Variants in HELZ observed in about 807,000 individuals in gnomAD.
HELZ encodes ATP-dependent RNA helicase with zinc finger domain.
Under a neutral mutation model 218.2 loss-of-function variants are expected in HELZ, and 23 were observed. The ratio of observed to expected loss-of-function variants is 0.11; its 90% confidence interval spans 0.08 to 0.15. The LOEUF is 0.15. Ranked by LOEUF, HELZ falls within the 10% of genes least tolerant of loss-of-function variation. The pLI is 1.00. For synonymous variants in HELZ, 814 were observed against 829.4 expected, an observed-to-expected ratio of 0.98 and a Z score of 0.32; for missense variants, 1,813 against 2,353.7, an observed-to-expected ratio of 0.77 and a Z score of 4.75.
At position 67,144,495 on chromosome 17, in the gene HELZ, A is replaced by C. The variant is rs549493196; in HGVS notation, c.2769+1248T>G. 2.0e-5 allele frequency among the ~76,000 whole-genome samples: 3 copies of C among 152,216 alleles called. No individual in the cohort carries two copies. The East Asian group carries it at 5.8e-4, about 29-fold the overall frequency. On this transcript the variant is annotated intron_variant, in intron 21 of 32. Coordinates refer to ENST00000358691, the MANE Select transcript of HELZ (RefSeq NM_014877.4). The stretch of plus-strand genomic sequence containing the variant: ...ATACGAACAAATATTAAAAAAAAAA[A>C]AAAAACCTTTGAGTAAAACTGACAG...
At position 67,108,762 on chromosome 17, in the gene HELZ, T is replaced by C; in HGVS notation, c.4490-36A>G. Reference sequence around the variant, plus strand: ...ATTTGTGAAAAATTTTTTATGAATTTGGGGTTTCAAGTTCATTATTTAAAG... The same window carrying C: ...ATTTGTGAAAAATTTTTTATGAATTCGGGGTTTCAAGTTCATTATTTAAAG... On this transcript the variant is annotated intron_variant, in intron 29 of 32. Transcript: ENST00000358691. This position sits in a 1 kb window ranked among gnomAD's most constrained non-coding sequence, Gnocchi z 4.1. 1 of 1,477,166 alleles carries C rather than the reference T, an allele frequency of 6.8e-7. No homozygotes were observed. Among genetic ancestry groups the C allele is most frequent in the Non-Finnish European group, 9.2e-7 (1 of 1,087,206 alleles). 91.5% of individuals were successfully genotyped at this position (1,477,166 alleles called of 1,614,324 possible).
In HELZ at chr17:67,070,644, CAAAG is replaced by C. The variant is rs1262059188; in HGVS notation, c.*7604_*7607del. 1 of 151,858 alleles carries C rather than the reference CAAAG, an allele frequency of 6.6e-6. No homozygotes were observed. Among genetic ancestry groups the C allele is most frequent in the African/African-American group, 2.4e-5 (1 of 41,322 alleles). 9.4% of individuals were successfully genotyped at this position (151,858 alleles called of 1,614,324 possible). On this transcript the variant is annotated 3_prime_UTR_variant, in exon 33 of 33. Transcript: ENST00000358691. ...AAAACTAAGTTAGAAAAGATAAAGACAAAGAAAGAAGAAAATAAAAACCCTAGAG... is the reference window on the plus strand; with the variant it reads ...AAAACTAAGTTAGAAAAGATAAAGACAAAGAAGAAAATAAAAACCCTAGAG...
Position 67,123,058 on chromosome 17 carries a change from A to G in HELZ, c.3542T>C (p.Val1181Ala). The G allele has an allele frequency of 6.2e-7, 1 of 1,613,518 alleles. No individual in the cohort carries two copies. Among genetic ancestry groups the G allele is most frequent in the South Asian group, 1.1e-5 (1 of 91,068 alleles). ...CCCAGTGTGAGGATCTATTCTTTGA[A>G]CAGGGCTTGGAGATTTTCCCAAATT... ...HPNLGKSPSP[V>A]QRIDPHTGTS... Residue 1181 changes from valine (V) to alanine (A), a missense_variant, in exon 26 of 33, where the codon GTT becomes GCT. Physicochemically the swap from Val to Ala is moderately conservative, Grantham distance 64. Around this residue, in one of 4 missense-constraint regions of HELZ, gnomAD observed 938 missense variants for 1,027.5 expected, o/e 0.91. Transcript: ENST00000358691.
intron 15 of HELZ, among the ~76,000 whole-genome samples, chr17:67,163,531 T>G (rs1289683288): frequency 6.6e-6 from 1 of 152,084 alleles, no homozygotes; most frequent in Admixed American, 6.6e-5. Context: ...CCCGAGTAGC[T>G]GGGACTACAG....
intron 28 of HELZ, among the ~76,000 whole-genome samples, chr17:67,111,720 G>A (rs1229216193): frequency 6.6e-6 from 1 of 152,182 alleles, no homozygotes; most frequent in Middle Eastern, 3.2e-3. Flanking sequence ...AAAGAAGTGA[G>A]AAGCACGACA....
intron 12 of HELZ, among the ~76,000 whole-genome samples, chr17:67,182,221 C>T (rs1271080329): frequency 1.3e-5 from 2 of 152,100 alleles, no homozygotes; most frequent in Non-Finnish European, 2.9e-5. Context: ...GAAGGCAGGT[C>T]ACCTGAGGTC....
chr17:67,083,438 T>C, intron 32 of HELZ, among the ~76,000 whole-genome samples: 1 of 151,930 alleles, frequency 6.6e-6, no homozygotes, highest in East Asian at 1.9e-4. Flanking sequence ...TCAGGAGTTC[T>C]AGACCAGCCT....
chr17:67,104,204 G>A (rs1442726146), intron 31 of HELZ, among the ~76,000 whole-genome samples: 1 of 152,142 alleles, frequency 6.6e-6, no homozygotes, highest in African/African-American at 2.4e-5. Context: ...GGAGGCCGAG[G>A]CGAGCAGATC....
intron 31 of HELZ, among the ~76,000 whole-genome samples, chr17:67,093,974 C>T (rs888970644): frequency 6.7e-6 from 1 of 149,908 alleles, no homozygotes; most frequent in Non-Finnish European, 1.5e-5. Flanking sequence ...TTAAAAGATA[C>T]AGACCAAACT....
At chr17:67,185,996 C>T (rs141532538) in intron 12 of HELZ, among the ~76,000 whole-genome samples, 150 of 152,248 alleles carry the variant, frequency 9.9e-4, no homozygotes, top group African/African-American at 3.5e-3. Flanking sequence ...CTACCAGGCT[C>T]AAAACATCAA....
intron 5 of HELZ, chr17:67,215,688 G>C (rs909397598): frequency 7.0e-6 from 4 of 571,236 alleles, no homozygotes; most frequent in Middle Eastern, 9.9e-4. Flanking sequence ...TGTTCCCAGG[G>C]GAGTGACAAG....
intron 3 of HELZ, chr17:67,224,560 A>G (rs1237428991): frequency 4.6e-6 from 2 of 434,582 alleles, no homozygotes; most frequent in Non-Finnish European, 4.3e-6. Context: ...AAAATAGTGT[A>G]TACACGATTA....
chr17:67,245,279 T>G, upstream of HELZ: 1 of 857,070 alleles, frequency 1.2e-6, no homozygotes, highest in Non-Finnish European at 1.4e-6. Context: ...CGCCGCCCCC[T>G]CCGGCCGCGC....
intron 24 of HELZ, among the ~76,000 whole-genome samples, chr17:67,125,371 A>G (rs941132820): frequency 1.5e-5 from 2 of 136,404 alleles, no homozygotes; most frequent in Admixed American, 7.3e-5. Flanking sequence ...AGACGTGATA[A>G]GAAAAGCATA....
chr17:67,180,055 T>C (rs1026325304), intron 12 of HELZ, among the ~76,000 whole-genome samples: 1 of 152,216 alleles, frequency 6.6e-6, no homozygotes, highest in Admixed American at 6.5e-5. Flanking sequence ...CAAATAATCT[T>C]AGTAATTTCT....
chr17:67,134,727 C>A (rs2038093501), intron 23 of HELZ, among the ~76,000 whole-genome samples: 1 of 151,758 alleles, frequency 6.6e-6, no homozygotes, highest in Non-Finnish European at 1.5e-5. Context: ...TAATAAAGTG[C>A]TGTCATTATC....
chr17:67,168,383 A>C (rs1435419936), intron 13 of HELZ, among the ~76,000 whole-genome samples: 1 of 152,238 alleles, frequency 6.6e-6, no homozygotes, highest in Non-Finnish European at 1.5e-5. Flanking sequence ...CTGAGTATTT[A>C]AAATGAAACT....
chr17:67,120,591 C>G lies in HELZ; in HGVS notation c.3652G>C (p.Gly1218Arg), dbSNP rs753206228. The change falls in exon 27 of 33, where the codon GGT becomes CGT. Residue 1218 changes from glycine (G) to arginine (R), a missense_variant. By Grantham distance (125) the Gly-to-Arg change is moderately radical. This residue lies in a region of HELZ where 938 missense variants were observed against 1,027.5 expected (regional missense o/e 0.91). Transcript: ENST00000358691. ...ATTCGAGGATCAACTGCAAACCTAC[C>G]CTGGTATCCTGTCCATGGTACCTAG... ...PLPVPWTGYQ[G>R]RFAVDPRIIT... is the part of the protein sequence containing the mutation. 1 of 1,612,378 alleles carries G rather than the reference C, an allele frequency of 6.2e-7. No individual in the cohort carries two copies. The highest frequency in any genetic ancestry group is 8.5e-7 in the Non-Finnish European group (1 of 1,179,636).
intron 12 of HELZ, among the ~76,000 whole-genome samples, chr17:67,183,255 A>C (rs1424019083): frequency 6.6e-6 from 1 of 152,216 alleles, no homozygotes; most frequent in Non-Finnish European, 1.5e-5. Flanking sequence ...ACATGGAAGC[A>C]AGGTGAATCT....
Sources: allele counts gnomAD v4.1 joint callset (sites outside exome capture counted in the v4.1 genomes callset), GRCh38; gene constraint gnomAD v4.1.1; regional missense constraint gnomAD v4.1.1; non-coding constraint Gnocchi (gnomAD v3.1); transcripts MANE v1.5; gene names NCBI Gene and HGNC (gene_info 2026-07-23, HGNC 2026-07-21).